The following PTPN2 variants were observed in gnomAD, a reference collection of about 807,000 sequenced individuals.
PTPN2 encodes the protein tyrosine-protein phosphatase non-receptor type 2.
PTPN2 carries 19 observed loss-of-function variants against 57.3 expected under a neutral mutation model. The ratio of observed to expected loss-of-function variants is 0.33; its 90% CI spans 0.23 to 0.49. The LOEUF (loss-of-function observed/expected upper bound fraction) is 0.49. Ranked by LOEUF, PTPN2 falls within the 20% of genes least tolerant of loss-of-function variation. The pLI is 0.99. For synonymous variants in PTPN2, 153 were observed against 164.9 expected, an observed-to-expected ratio of 0.93 and a Z score of 0.55; for missense variants, 358 against 501.1, an observed-to-expected ratio of 0.71 and a Z score of 2.73.
In PTPN2 at chr18:12,825,849, C is replaced by T. The variant is rs377245290; in HGVS notation, c.456G>A (p.Ser152=). ...ATTGTAGTAGATGTACTGTATAATA[C>T]GACTTCACATCTTCTGACAAGAGCT... ...SVKLLSEDVK[S]YYTVHLLQLE... Residue 152 remains serine (S), a synonymous_variant, in exon 5 of 9, where the codon TCG becomes TCA. Coordinates refer to ENST00000309660, the MANE Select transcript of PTPN2 (RefSeq NM_002828.4). 9.5e-5 allele frequency: 153 copies of T among 1,610,622 alleles called. No individual in the cohort carries two copies. Among genetic ancestry groups the T allele is most frequent in the Non-Finnish European group, 1.3e-4 (148 of 1,179,058 alleles).
chr18:12,840,620 C>A, intron 2 of PTPN2: 1 of 1,370,092 alleles, frequency 7.3e-7, no homozygotes, highest in East Asian at 2.4e-5. Context: ...GGATCACACC[C>A]ATCGCACTGT....
intron 2 of PTPN2, chr18:12,840,809 C>A (rs2043020013): frequency 6.3e-7 from 1 of 1,598,360 alleles, no homozygotes; most frequent in Non-Finnish European, 8.5e-7. Context: ...CTGACATCAC[C>A]TTTTCACGTT....
At chr18:12,846,939 T>C (rs1162250260) in intron 2 of PTPN2, among the ~76,000 whole-genome samples, 1 of 151,978 alleles carries the variant, frequency 6.6e-6, no homozygotes, top group East Asian at 1.9e-4. Flanking sequence ...CAACCCCAAG[T>C]GCTTTATAGA....
At chr18:12,820,061 TG>T (rs1351535277) in intron 5 of PTPN2, among the ~76,000 whole-genome samples, 3 of 152,210 alleles carry the variant, frequency 2.0e-5, no homozygotes, top group Non-Finnish European at 2.9e-5. Flanking sequence ...CTCAAACATA[TG>T]GTTACCCCAC....
intron 6 of PTPN2, 101 bp downstream of exon 6, chr18:12,817,055 C>T (rs1598776065): frequency 8.7e-7 from 1 of 1,151,532 alleles, no homozygotes; most frequent in Non-Finnish European, 1.2e-6. Flanking sequence ...GTTGAAAAAC[C>T]TCAGTTCTGG....
downstream of PTPN2, among the ~76,000 whole-genome samples, chr18:12,790,509 A>T (rs1158414191): frequency 6.6e-6 from 1 of 152,200 alleles, no homozygotes; most frequent in East Asian, 1.9e-4. Context: ...CAAAGACAGC[A>T]CCATAAAAGG....
At chr18:12,806,642 G>A (rs907585593) in intron 7 of PTPN2, among the ~76,000 whole-genome samples, 4 of 151,916 alleles carry the variant, frequency 2.6e-5, no homozygotes, top group Non-Finnish European at 2.9e-5. Flanking sequence ...ATAAATCTAC[G>A]TATTTACAGC....
At chr18:12,803,359 T>TAAA (rs1222888518) in intron 7 of PTPN2, among the ~76,000 whole-genome samples, 1 of 151,900 alleles carries the variant, frequency 6.6e-6, no homozygotes, top group Non-Finnish European at 1.5e-5. Context: ...AGAAAACAAT[T>TAAA]AACAAAATGG....
chr18:12,812,516 T>C (rs2041926031), intron 7 of PTPN2, among the ~76,000 whole-genome samples: 1 of 152,064 alleles, frequency 6.6e-6, no homozygotes, highest in African/African-American at 2.4e-5. Context: ...GGAGAACCAC[T>C]TGAACCTGGG....
intron 8 of PTPN2, among the ~76,000 whole-genome samples, chr18:12,798,985 A>G (rs945180379): frequency 6.6e-5 from 10 of 152,238 alleles, no homozygotes; most frequent in African/African-American, 2.4e-4. Flanking sequence ...CTTCTTTAAA[A>G]AATGTTTATA....
chr18:12,828,264 C>T (rs2042547272), intron 4 of PTPN2, among the ~76,000 whole-genome samples: 1 of 152,146 alleles, frequency 6.6e-6, no homozygotes, highest in East Asian at 1.9e-4. Flanking sequence ...TTAGGAGCCA[C>T]TAGAGAATGA....
In PTPN2 at chr18:12,870,452, T is replaced by TAGAG. The variant is rs1486161947; in HGVS notation, c.70-11199_70-11198insCTCT. Among the ~76,000 whole-genome samples the TAGAG allele has an allele frequency of 9.5e-4, 39 of 41,194 alleles. 1 individual carries two copies. Among genetic ancestry groups the TAGAG allele is most frequent in the Admixed American group, 1.5e-3 (5 of 3,238 alleles). The allele number at this position is 41,194 out of a possible 152,430, so 27.0% of individuals were successfully genotyped here. On this transcript the variant is annotated intron_variant, in intron 1 of 8. Coordinates refer to ENST00000309660, the MANE Select transcript of PTPN2 (RefSeq NM_002828.4). ...GTATATATATATGTGTATATATATATATATATATATAGAGAGAGAGAGAGA... is the reference window on the plus strand; with the variant it reads ...GTATATATATATGTGTATATATATATAGAGATATATATATAGAGAGAGAGAGAGA...
intron 2 of PTPN2, among the ~76,000 whole-genome samples, chr18:12,839,245 G>A (rs550452445): frequency 2.0e-5 from 3 of 152,284 alleles, no homozygotes; most frequent in South Asian, 2.1e-4. Context: ...ACGGTTTCGA[G>A]TTTGTGAGAG....
chr18:12,875,105 G>A (rs1361192902), intron 1 of PTPN2, among the ~76,000 whole-genome samples: 4 of 152,042 alleles, frequency 2.6e-5, no homozygotes, highest in Non-Finnish European at 4.4e-5. Flanking sequence ...GATGCTTGAA[G>A]GCAGCATGCT....
intron 1 of PTPN2, among the ~76,000 whole-genome samples, chr18:12,861,802 T>C (rs545084609): frequency 1.8e-4 from 27 of 152,158 alleles, no homozygotes; most frequent in Non-Finnish European, 3.5e-4. Context: ...CACACACCCA[T>C]TTTCCACACT....
chr18:12,821,616 C>A (rs142787764), intron 5 of PTPN2, among the ~76,000 whole-genome samples: 1 of 152,164 alleles, frequency 6.6e-6, no homozygotes, highest in African/African-American at 2.4e-5. Flanking sequence ...GTGGCAGAAA[C>A]GGCTAGGGAC....
chr18:12,877,975 A>G (rs906873566), intron 1 of PTPN2, among the ~76,000 whole-genome samples: 43 of 152,092 alleles, frequency 2.8e-4, no homozygotes. Context: ...GCTTGCAGCG[A>G]GCCGAGATGA....
chr18:12,882,041 T>C (rs1429633467), intron 1 of PTPN2, among the ~76,000 whole-genome samples: 2 of 152,212 alleles, frequency 1.3e-5, no homozygotes, highest in African/African-American at 4.8e-5. Context: ...GAGCATTCTC[T>C]GCTGAATCCC....
chr18:12,869,638 C>T (rs536993022), intron 1 of PTPN2, among the ~76,000 whole-genome samples: 1 of 152,234 alleles, frequency 6.6e-6, no homozygotes, highest in East Asian at 1.9e-4. Context: ...AATTCTCCCT[C>T]GAACTGCTAC....
Sources: gnomAD v4.1 joint callset for allele counts (sites outside exome capture counted in the v4.1 genomes callset) on GRCh38, gnomAD v4.1.1 for gene constraint, MANE v1.5 for transcripts, NCBI Gene and HGNC (gene_info 2026-07-23, HGNC 2026-07-21) for gene names.